The following DUSP29 variants were observed in gnomAD, a reference collection of about 807,000 sequenced individuals.
DUSP29 encodes the protein atypical dual-specific protein phosphatase.
Under a neutral mutation model 13.5 loss-of-function variants are expected in DUSP29, and 12 were observed. The ratio of observed to expected loss-of-function variants is 0.89; its 90% CI spans 0.57 to 1.44. The LOEUF is 1.44. Ranked by LOEUF, DUSP29 falls within the 40% of genes most tolerant of loss-of-function variation. The pLI is 0.00. For missense variants in DUSP29, 308 were observed against 301.1 expected (o/e 1.02, Z -0.17); for synonymous variants, 134 against 128.7 (o/e 1.04, Z -0.28).
At chr10:75,050,964 T>G (rs1297440373) in intron 2 of DUSP29, among the ~76,000 whole-genome samples, 1 of 152,200 alleles carries the variant, frequency 6.6e-6, no homozygotes, top group Admixed American at 6.5e-5. Context: ...CAGTGAGGAC[T>G]TGGAATTACC....
chr10:75,060,528 G>A (rs1039727728), intron 1 of DUSP29, among the ~76,000 whole-genome samples: 3 of 151,628 alleles, frequency 2.0e-5, no homozygotes, highest in Admixed American at 6.6e-5. Flanking sequence ...TTGGGAACCA[G>A]CTCCTTATTT....
chr10:75,067,367 GA>G (rs1564646730), intron 1 of DUSP29, among the ~76,000 whole-genome samples: 1 of 152,160 alleles, frequency 6.6e-6, no homozygotes. Flanking sequence ...GAGTAGGGGG[GA>G]TCTTCCTTCC....
intron 1 of DUSP29, among the ~76,000 whole-genome samples, 156 bp downstream of exon 1, chr10:75,073,413 G>A (rs1210702721): frequency 6.6e-6 from 1 of 152,196 alleles, no homozygotes; most frequent in East Asian, 1.9e-4. Flanking sequence ...TCTCGTAAAA[G>A]GACAGCAAGA....
chr10:75,072,856 G>A (rs1479153221), intron 1 of DUSP29, among the ~76,000 whole-genome samples: 1 of 152,048 alleles, frequency 6.6e-6, no homozygotes, highest in Non-Finnish European at 1.5e-5. Flanking sequence ...TCTAATGGGA[G>A]AGCCCTGGTC....
chr10:75,062,961 A>G (rs565751183), intron 1 of DUSP29, among the ~76,000 whole-genome samples: 1 of 152,340 alleles, frequency 6.6e-6, no homozygotes, highest in East Asian at 1.9e-4. Flanking sequence ...GACTTGGCCT[A>G]CATGCAATGG....
At chr10:75,048,444 G>A (rs1380494179) in intron 2 of DUSP29, among the ~76,000 whole-genome samples, 2 of 150,300 alleles carry the variant, frequency 1.3e-5, no homozygotes, top group African/African-American at 2.5e-5. Context: ...CCAGGCTGGA[G>A]TGCAGTGGCG....
At chr10:75,041,531 C>T (rs539771190) in intron 3 of DUSP29, among the ~76,000 whole-genome samples, 32 of 152,160 alleles carry the variant, frequency 2.1e-4, no homozygotes, top group Non-Finnish European at 4.3e-4. Flanking sequence ...CTACCCACAC[C>T]CCTCCGCTGT....
chr10:75,056,418 C>T (rs1846958845), intron 2 of DUSP29, among the ~76,000 whole-genome samples: 1 of 151,766 alleles, frequency 6.6e-6, no homozygotes. Flanking sequence ...ACTCTTGCTA[C>T]TCAGGAGGCT....
intron 1 of DUSP29, among the ~76,000 whole-genome samples, chr10:75,070,775 A>T (rs1255350671): frequency 6.6e-6 from 1 of 152,160 alleles, no homozygotes; most frequent in Non-Finnish European, 1.5e-5. Flanking sequence ...CATGCAAGAG[A>T]GTAGGAGAAA....
intron 2 of DUSP29, among the ~76,000 whole-genome samples, chr10:75,047,159 G>A (rs1249097150): frequency 2.0e-5 from 3 of 152,208 alleles, no homozygotes; most frequent in African/African-American, 7.2e-5. Context: ...CCCACCACAA[G>A]TTTTCAGGGT....
At chr10:75,066,030 T>C (rs1564646400) in intron 1 of DUSP29, among the ~76,000 whole-genome samples, 1 of 152,140 alleles carries the variant, frequency 6.6e-6, no homozygotes, top group African/African-American at 2.4e-5. Context: ...TTTGGCCTAT[T>C]TGAGGGTCCC....
At chr10:75,038,562 G>A (rs556090077) in intron 3 of DUSP29, among the ~76,000 whole-genome samples, 1 of 152,286 alleles carries the variant, frequency 6.6e-6, no homozygotes, top group Admixed American at 6.5e-5. Context: ...GATAACCAAA[G>A]CGTTTCTTCC....
chr10:75,038,066 C>A lies in DUSP29; in HGVS notation c.433G>T (p.Val145Phe), dbSNP rs755132895. Residue 145 changes from valine to phenylalanine, a missense_variant, in exon 4 of 4, where the codon GTT becomes TTT. Physicochemically the swap from Val to Phe is conservative, Grantham distance 50. Coordinates refer to ENST00000338487, the MANE Select transcript of DUSP29 (RefSeq NM_001003892.3). ...CGGCTGCGGCCCATGACGCAGTGAA[C>A]CAGGATCTTACCTGCAGATGGAGCA... is the stretch of plus-strand genomic sequence containing the variant. ...ALSDDHSKILVHCVMGRSRSA... is the reference protein window; with the variant it reads ...ALSDDHSKILFHCVMGRSRSA... 1.2e-6 allele frequency: 2 copies of A among 1,612,984 alleles called. No individual in the cohort carries two copies. Among genetic ancestry groups the A allele is most frequent in the Non-Finnish European group, 1.7e-6 (2 of 1,179,566 alleles).
intron 1 of DUSP29, among the ~76,000 whole-genome samples, chr10:75,070,092 AGG>A (rs1847296300): frequency 1.2e-5 from 1 of 83,562 alleles, no homozygotes; most frequent in African/African-American, 6.0e-5. Flanking sequence ...GAAGGAAGGA[AGG>A]AAGGAAGGAA....
intron 2 of DUSP29, among the ~76,000 whole-genome samples, chr10:75,055,216 C>T (rs1846932192): frequency 1.3e-5 from 2 of 151,848 alleles, no homozygotes; most frequent in South Asian, 2.1e-4. Flanking sequence ...GATGTCAGTC[C>T]CTCCTTTTTT....
At chr10:75,044,484 G>A (rs904326372) in intron 2 of DUSP29, among the ~76,000 whole-genome samples, 1 of 152,198 alleles carries the variant, frequency 6.6e-6, no homozygotes, top group Non-Finnish European at 1.5e-5. Flanking sequence ...CCTTCCATAA[G>A]AGGATTGGAT....
At chr10:75,057,325 G>A (rs907781792) in intron 2 of DUSP29, among the ~76,000 whole-genome samples, 5 of 152,034 alleles carry the variant, frequency 3.3e-5, no homozygotes, top group African/African-American at 1.2e-4. Flanking sequence ...ATATATGGAG[G>A]GGTCCTACAG....
At chr10:75,058,933 TA>T (rs1376128843) in intron 1 of DUSP29, among the ~76,000 whole-genome samples, 7 of 152,182 alleles carry the variant, frequency 4.6e-5, no homozygotes, top group African/African-American at 1.7e-4. Flanking sequence ...GGACCCAAAA[TA>T]GGAAGGCCCA....
intron 1 of DUSP29, among the ~76,000 whole-genome samples, chr10:75,068,393 C>G (rs571956751): frequency 2.1e-4 from 32 of 152,280 alleles, no homozygotes; most frequent in African/African-American, 7.5e-4. Context: ...GGGAGGATTG[C>G]TTGAGCCCAG....
Sources: gnomAD v4.1 joint callset for allele counts (sites outside exome capture counted in the v4.1 genomes callset) on GRCh38, gnomAD v4.1.1 for gene constraint, MANE v1.5 for transcripts, NCBI Gene and HGNC (gene_info 2026-07-23, HGNC 2026-07-21) for gene names.